TBC1D31: variants seen among roughly 807,000 people sequenced by gnomAD.
The protein encoded by TBC1D31 is WD repeat domain 67.
In TBC1D31, 99 loss-of-function variants were observed where a neutral mutation model predicts 132.9. That is an observed-to-expected ratio of 0.74 (90% CI 0.63 to 0.88). TBC1D31 has a LOEUF of 0.88. Among genes scored for constraint, TBC1D31 ranks in the 40% least tolerant of loss-of-function variants. The probability of loss-of-function intolerance (pLI) is 0.00; values close to 1 mark genes in which losing one functional copy is unlikely to be tolerated. For missense variants in TBC1D31, 1,134 were observed against 1,256.6 expected, an observed-to-expected ratio of 0.90 and a Z score of 1.48; for synonymous variants, 385 against 419.4, an observed-to-expected ratio of 0.92 and a Z score of 1.00.
At position 123,109,530 on chromosome 8, in the gene TBC1D31, C is replaced by A. The variant is rs1818258144; in HGVS notation, c.1346C>A (p.Thr449Asn). ...CCTGAAAATCATACTGCGTTTAGTA[C>A]CCTCATAGATAAGGGGACTCATGTG... ...QLPENHTAFSTLIDKGTHVAF... is the reference protein window; with the variant it reads ...QLPENHTAFSNLIDKGTHVAF... Residue 449 changes from threonine to asparagine, a missense_variant, in exon 10 of 22, where the codon ACC (threonine) becomes AAC (asparagine). Transcript: ENST00000287380. The A allele has an allele frequency of 1.2e-6, 2 of 1,613,838 alleles. No homozygotes were observed. The highest frequency in any genetic ancestry group is 4.5e-5 in the East Asian group (2 of 44,852).
intron 10 of TBC1D31, among the ~76,000 whole-genome samples, chr8:123,115,366 A>G (rs1240293594): frequency 2.0e-5 from 3 of 152,202 alleles, no homozygotes; most frequent in Admixed American, 6.5e-5. Flanking sequence ...ATTTCCTTAC[A>G]TTCTCTGGAA....
Position 123,130,431 on chromosome 8 carries a change from C to G in TBC1D31, c.2406+98C>G, listed in dbSNP as rs1002023169. ...AATTAAATAATATTCTTAGAGTCCA[C>G]CATGAATACTAAATAGCCGCTTTAA... On this transcript the variant is annotated intron_variant, in intron 16 of 21. Coordinates refer to ENST00000287380, the MANE Select transcript of TBC1D31 (RefSeq NM_145647.4). 9 of 1,127,136 alleles carry G rather than the reference C, an allele frequency of 8.0e-6. No individual in the cohort carries two copies. The African/African-American group carries it at 1.4e-4, about 18-fold the overall frequency. 69.8% of individuals were successfully genotyped at this position (1,127,136 alleles called of 1,614,324 possible).
intron 7 of TBC1D31, chr8:123,103,721 C>G (rs1817667339): frequency 6.6e-6 from 1 of 152,280 alleles, no homozygotes; most frequent in Non-Finnish European, 1.5e-5. Context: ...CGTGTCCAGC[C>G]TTGCAAACCT....
intron 4 of TBC1D31, among the ~76,000 whole-genome samples, chr8:123,090,291 G>T (rs1816202001): frequency 6.6e-6 from 1 of 152,176 alleles, no homozygotes; most frequent in Non-Finnish European, 1.5e-5. Context: ...ACATAGTTTA[G>T]GAGAGAATTG....
chr8:123,153,875 G>A (rs1270883042), downstream of TBC1D31, among the ~76,000 whole-genome samples: 5 of 152,192 alleles, frequency 3.3e-5, no homozygotes, highest in Non-Finnish European at 5.9e-5. Flanking sequence ...TCTCTGGTGT[G>A]AATTCTGCAA....
intron 1 of TBC1D31, among the ~76,000 whole-genome samples, chr8:123,076,884 G>A (rs1039773605): frequency 1.3e-5 from 2 of 152,122 alleles, no homozygotes; most frequent in African/African-American, 4.8e-5. Flanking sequence ...GACACAGTGA[G>A]TTTTCAAGTA....
intron 4 of TBC1D31, among the ~76,000 whole-genome samples, chr8:123,089,272 C>G (rs902987034): frequency 2.0e-5 from 3 of 152,186 alleles, no homozygotes; most frequent in African/African-American, 7.2e-5. Flanking sequence ...TCAGCCGTAG[C>G]ACCTCCCTCA....
At chr8:123,086,859 A>G (rs1815813569) in intron 4 of TBC1D31, among the ~76,000 whole-genome samples, 1 of 152,002 alleles carries the variant, frequency 6.6e-6, no homozygotes, top group Non-Finnish European at 1.5e-5. Flanking sequence ...CTGGGATTAC[A>G]GTCGTGCGCC....
At chr8:123,100,069 T>G (rs1817231186) in intron 6 of TBC1D31, among the ~76,000 whole-genome samples, 1 of 152,170 alleles carries the variant, frequency 6.6e-6, no homozygotes, top group South Asian at 2.1e-4. Flanking sequence ...TGAGCAAGTT[T>G]CCAATATTTG....
chr8:123,134,806 C>T (rs1368114306), intron 17 of TBC1D31, among the ~76,000 whole-genome samples: 1 of 152,194 alleles, frequency 6.6e-6, no homozygotes, highest in African/African-American at 2.4e-5. Context: ...CCTGTAATTA[C>T]GTAATAGTGA....
At chr8:123,081,215 C>G (rs958041828) in intron 2 of TBC1D31, among the ~76,000 whole-genome samples, 1 of 152,194 alleles carries the variant, frequency 6.6e-6, no homozygotes, top group Non-Finnish European at 1.5e-5. Flanking sequence ...AGTGCCTTCC[C>G]CTTTCATGTT....
intron 7 of TBC1D31, chr8:123,102,110 T>C (rs1817483085): frequency 3.0e-6 from 1 of 331,190 alleles, no homozygotes; most frequent in East Asian, 7.7e-5. Flanking sequence ...CATGCCTCAC[T>C]TCTCTTCTCT....
chr8:123,113,182 A>G (rs1424994206), intron 10 of TBC1D31, among the ~76,000 whole-genome samples: 3 of 152,216 alleles, frequency 2.0e-5, no homozygotes, highest in South Asian at 2.1e-4. Flanking sequence ...GATTTTATCA[A>G]TAAGTAAAAG....
downstream of TBC1D31, among the ~76,000 whole-genome samples, chr8:123,153,726 C>A (rs750246223): frequency 6.6e-6 from 1 of 152,198 alleles, no homozygotes; most frequent in Non-Finnish European, 1.5e-5. Flanking sequence ...AATGTGAATT[C>A]TCTGGAATTG....
intron 4 of TBC1D31, among the ~76,000 whole-genome samples, chr8:123,089,435 G>A (rs564739244): frequency 4.5e-4 from 68 of 152,300 alleles, no homozygotes; most frequent in African/African-American, 1.6e-3. Flanking sequence ...TGCTTAAGCT[G>A]TAGGGTGGCA....
intron 1 of TBC1D31, among the ~76,000 whole-genome samples, chr8:123,074,418 T>C (rs1814268847): frequency 6.6e-6 from 1 of 152,214 alleles, no homozygotes; most frequent in Non-Finnish European, 1.5e-5. Flanking sequence ...CAGGCCTCTT[T>C]ATCAATGCCG....
intron 19 of TBC1D31, among the ~76,000 whole-genome samples, chr8:123,144,308 C>G (rs1185512226): frequency 1.3e-5 from 2 of 152,142 alleles, no homozygotes; most frequent in African/African-American, 4.8e-5. Context: ...TGGACCAGAG[C>G]TGGGCAAAGA....
intron 7 of TBC1D31, chr8:123,103,030 T>C (rs2130417803): frequency 6.6e-6 from 1 of 152,344 alleles, no homozygotes. Flanking sequence ...AAATAAGATG[T>C]CTTTAAACAG....
At chr8:123,091,979 CT>C (rs1219939259) in intron 4 of TBC1D31, among the ~76,000 whole-genome samples, 1 of 152,180 alleles carries the variant, frequency 6.6e-6, no homozygotes. Flanking sequence ...TTAACACTTA[CT>C]TATCCTGAAA....
Sources: allele counts gnomAD v4.1 joint callset (sites outside exome capture counted in the v4.1 genomes callset), GRCh38; gene constraint gnomAD v4.1.1; transcripts MANE v1.5; gene names NCBI Gene and HGNC (gene_info 2026-07-23, HGNC 2026-07-21).